The following MYO16 variants were observed in gnomAD, a reference collection of about 807,000 sequenced individuals.
The protein encoded by MYO16 is myosin XVI, also known as unconventional myosin-XVI.
In MYO16, 94 loss-of-function variants were observed where a neutral mutation model predicts 205.3. That is an observed-to-expected ratio of 0.46 (90% CI 0.39 to 0.54). MYO16 has a LOEUF of 0.54. Among genes scored for constraint, MYO16 ranks in the 20% least tolerant of loss-of-function variants. MYO16 has a pLI of 0.00. For synonymous variants in MYO16, 988 were observed against 954.0 expected, an observed-to-expected ratio of 1.04 and a Z score of -0.66; for missense variants, 2,315 against 2,387.5, an observed-to-expected ratio of 0.97 and a Z score of 0.63.
At chr13:108,960,369 A>C (rs1883536816) in intron 17 of MYO16, among the ~76,000 whole-genome samples, 1 of 152,212 alleles carries the variant, frequency 6.6e-6, no homozygotes, top group Admixed American at 6.5e-5. Flanking sequence ...AAGTAAATTA[A>C]ATTTGAAAAA....
intron 4 of MYO16, among the ~76,000 whole-genome samples, chr13:108,735,463 A>AGTATTCCATTGTATATACCATGT (rs1884662849): frequency 6.8e-6 from 1 of 146,274 alleles, no homozygotes; most frequent in Non-Finnish European, 1.5e-5. Context: ...ATGGCTGCAT[A>AGTATTCCATTGTATATACCATGT]GTATTCCATG....
At chr13:108,758,576 A>G (rs1291183943) in intron 4 of MYO16, among the ~76,000 whole-genome samples, 2 of 152,216 alleles carry the variant, frequency 1.3e-5, no homozygotes, top group African/African-American at 2.4e-5. Context: ...TTTCAATTTC[A>G]GTCATCAATT....
At chr13:108,797,456 G>A (rs984730126) in intron 6 of MYO16, among the ~76,000 whole-genome samples, 1 of 152,212 alleles carries the variant, frequency 6.6e-6, no homozygotes. Flanking sequence ...ATGAGAAGGA[G>A]CAAGCACTGA....
At chr13:108,947,683 C>A (rs921542473) in intron 16 of MYO16, among the ~76,000 whole-genome samples, 2 of 152,176 alleles carry the variant, frequency 1.3e-5, no homozygotes, top group African/African-American at 4.8e-5. Context: ...TGTCTGTCTC[C>A]ACCCCCCGGC....
chr13:108,884,196 T>C (rs954245334), intron 13 of MYO16, among the ~76,000 whole-genome samples: 2 of 152,198 alleles, frequency 1.3e-5, no homozygotes, highest in African/African-American at 2.4e-5. Context: ...AGAACCTGGA[T>C]AGAATTCAAA....
the MYO16 span, among the ~76,000 whole-genome samples, chr13:108,519,519 G>C: frequency 6.6e-6 from 1 of 151,816 alleles, no homozygotes; most frequent in Non-Finnish European, 1.5e-5. Context: ...AGTACTGCAT[G>C]TATAAGCCAA....
chr13:108,525,219 A>G, the MYO16 span, among the ~76,000 whole-genome samples: 2 of 152,230 alleles, frequency 1.3e-5, no homozygotes, highest in Non-Finnish European at 2.9e-5. Flanking sequence ...AATACATTTT[A>G]TAGTAGTGCA....
chr13:108,691,063 A>G (rs1420659352), intron 2 of MYO16, among the ~76,000 whole-genome samples: 1 of 152,196 alleles, frequency 6.6e-6, no homozygotes, highest in African/African-American at 2.4e-5. Context: ...AGATTAACAA[A>G]TTATTATTGA....
chr13:108,818,644 A>G (rs1025837935), intron 7 of MYO16, among the ~76,000 whole-genome samples: 18 of 152,154 alleles, frequency 1.2e-4, no homozygotes, highest in Non-Finnish European at 1.9e-4. Context: ...AGAAAGATGG[A>G]TAGGGCATGC....
intron 20 of MYO16, among the ~76,000 whole-genome samples, chr13:108,976,473 G>A (rs3848038): frequency 0.21 from 32,104 of 151,972 alleles, 3,589 homozygotes; most frequent in African/African-American, 0.24. Context: ...CCTTGTATCA[G>A]TTATTTTATT....
chr13:109,147,351 A>G (rs1877389923), intron 32 of MYO16, among the ~76,000 whole-genome samples: 1 of 152,180 alleles, frequency 6.6e-6, no homozygotes. Flanking sequence ...ATGCTTTACA[A>G]TGACTCAAAT....
intron 28 of MYO16, among the ~76,000 whole-genome samples, chr13:109,107,908 C>T (rs157011): frequency 0.013 from 1,993 of 150,302 alleles, 43 homozygotes; most frequent in African/African-American, 0.041. Context: ...CATACACACA[C>T]GCCATATACA....
At chr13:108,709,230 A>G (rs1214983343) in intron 2 of MYO16, among the ~76,000 whole-genome samples, 2 of 152,212 alleles carry the variant, frequency 1.3e-5, no homozygotes, top group Non-Finnish European at 2.9e-5. Context: ...GGCCGCTCCA[A>G]TCATGTTATT....
intron 6 of MYO16, among the ~76,000 whole-genome samples, chr13:108,804,796 T>C (rs1217541789): frequency 6.6e-6 from 1 of 152,208 alleles, no homozygotes; most frequent in Non-Finnish European, 1.5e-5. Context: ...TCACTGGTAG[T>C]AACACTTTGG....
At chr13:108,998,644 C>T (rs531901267) in intron 21 of MYO16, among the ~76,000 whole-genome samples, 3 of 152,274 alleles carry the variant, frequency 2.0e-5, no homozygotes, top group African/African-American at 7.2e-5. Flanking sequence ...ACAGGGCATA[C>T]GGAGACAGAT....
At chr13:109,200,349 T>G (rs1473785138) in intron 34 of MYO16, among the ~76,000 whole-genome samples, 1 of 152,182 alleles carries the variant, frequency 6.6e-6, no homozygotes, top group Admixed American at 6.5e-5. Flanking sequence ...ATGTCTGTAA[T>G]AGAAAAGAAG....
chr13:108,519,933 G>T, the MYO16 span, among the ~76,000 whole-genome samples: 1 of 152,094 alleles, frequency 6.6e-6, no homozygotes, highest in Non-Finnish European at 1.5e-5. Flanking sequence ...ATAAAAAATT[G>T]TTTTAATATA....
At chr13:108,964,189 C>T (rs1327739440) in intron 19 of MYO16, among the ~76,000 whole-genome samples, 1 of 152,188 alleles carries the variant, frequency 6.6e-6, no homozygotes, top group Non-Finnish European at 1.5e-5. Flanking sequence ...CAATGCCAAA[C>T]CACCCTTGCT....
chr13:108,825,475 A>G (rs1876207101), intron 9 of MYO16, among the ~76,000 whole-genome samples: 1 of 152,024 alleles, frequency 6.6e-6, no homozygotes, highest in African/African-American at 2.4e-5. Context: ...CTCAATGGTG[A>G]CTGATCAGTT....
Sources: allele counts gnomAD v4.1 joint callset (sites outside exome capture counted in the v4.1 genomes callset), GRCh38; gene constraint gnomAD v4.1.1; transcripts MANE v1.5; gene names NCBI Gene and HGNC (gene_info 2026-07-23, HGNC 2026-07-21).